The following PALS1 variants were observed in gnomAD, a reference collection of about 807,000 sequenced individuals.
PALS1 encodes the protein protein associated with LIN7 1, MAGUK p55 family member.
Under a neutral mutation model 78.9 loss-of-function variants are expected in PALS1, and 31 were observed. The ratio of observed to expected loss-of-function variants is 0.39; its 90% CI spans 0.30 to 0.53. The LOEUF (loss-of-function observed/expected upper bound fraction) is 0.53. Ranked by LOEUF, PALS1 falls within the 20% of genes least tolerant of loss-of-function variation. PALS1 has a pLI of 0.67. For missense variants in PALS1, 704 were observed against 826.5 expected, an observed-to-expected ratio of 0.85 and a Z score of 1.82; for synonymous variants, 276 against 270.9, an observed-to-expected ratio of 1.02 and a Z score of -0.18.
intron 1 of PALS1, among the ~76,000 whole-genome samples, chr14:67,255,746 T>TC (rs1409577934): frequency 6.6e-6 from 1 of 152,244 alleles, no homozygotes; most frequent in Non-Finnish European, 1.5e-5. Flanking sequence ...AGTAGTGCAA[T>TC]CTGGGCTCAC....
chr14:67,280,833 TTCC>T (rs2084592694), intron 3 of PALS1, among the ~76,000 whole-genome samples: 1 of 133,698 alleles, frequency 7.5e-6, no homozygotes, highest in Admixed American at 7.8e-5. Context: ...CCTTCCTTCC[TTCC>T]TTCCTTCCTT....
At chr14:67,256,547 T>G (rs955293131) in intron 1 of PALS1, among the ~76,000 whole-genome samples, 1 of 152,208 alleles carries the variant, frequency 6.6e-6, no homozygotes, top group Non-Finnish European at 1.5e-5. Flanking sequence ...TCCTTTTTTC[T>G]TTTTTCTTTT....
At position 67,248,803 on chromosome 14, in the gene PALS1, T is replaced by C. The variant is rs1338824710; in HGVS notation, c.-237+7270T>C. On this transcript the variant is annotated intron_variant, in intron 1 of 14. Coordinates refer to ENST00000261681, the MANE Select transcript of PALS1 (RefSeq NM_022474.4). ...GTGTGCCTGATTTGACCTCTGGACT[T>C]AGTTTACATACCAACATTTTTATTT... Among the ~76,000 whole-genome samples the C allele has an allele frequency of 5.3e-5, 8 of 152,272 alleles. 1 individual carries two copies. The South Asian group carries it at 6.2e-4, about 12-fold the overall frequency.
intron 4 of PALS1, among the ~76,000 whole-genome samples, chr14:67,298,248 A>G (rs1017922519): frequency 1.3e-5 from 2 of 152,212 alleles, no homozygotes; most frequent in Non-Finnish European, 2.9e-5. Flanking sequence ...TTAGTAATTT[A>G]TTAGTATCAA....
chr14:67,280,841 T>TTCCTTCCTTCCTTCCC (rs1297220297), intron 3 of PALS1, among the ~76,000 whole-genome samples: 1 of 129,940 alleles, frequency 7.7e-6, no homozygotes, highest in Non-Finnish European at 1.6e-5. Context: ...CCTTCCTTCC[T>TTCCTTCCTTCCTTCCC]TCCTTCCTTC....
chr14:67,280,376 T>C (rs1198971478), intron 3 of PALS1, among the ~76,000 whole-genome samples: 4 of 152,246 alleles, frequency 2.6e-5, no homozygotes, highest in African/African-American at 9.6e-5. Flanking sequence ...AAAAAAGATA[T>C]ATTTCTACTT....
intron 1 of PALS1, among the ~76,000 whole-genome samples, chr14:67,250,200 T>C (rs1193759454): frequency 6.6e-6 from 1 of 152,208 alleles, no homozygotes; most frequent in African/African-American, 2.4e-5. Context: ...CCACTCTTCC[T>C]TCCTCCAGGA....
chr14:67,260,414 A>G (rs1270316035), intron 1 of PALS1, among the ~76,000 whole-genome samples: 1 of 152,252 alleles, frequency 6.6e-6, no homozygotes, highest in Non-Finnish European at 1.5e-5. Context: ...ATTTGTATAT[A>G]GCACAATATA....
intron 4 of PALS1, among the ~76,000 whole-genome samples, chr14:67,295,838 C>T (rs1438642877): frequency 6.6e-6 from 1 of 152,058 alleles, no homozygotes; most frequent in African/African-American, 2.4e-5. Flanking sequence ...TATACTGTGA[C>T]CCAGCAATTT....
intron 1 of PALS1, among the ~76,000 whole-genome samples, chr14:67,245,384 AT>A (rs1555515862): frequency 6.6e-6 from 1 of 152,078 alleles, no homozygotes; most frequent in Non-Finnish European, 1.5e-5. Context: ...CATTTCCCCC[AT>A]GACTGAGGAT....
chr14:67,266,337 A>AT (rs11319956), intron 1 of PALS1, among the ~76,000 whole-genome samples: 5 of 151,046 alleles, frequency 3.3e-5, no homozygotes, highest in African/African-American at 2.4e-5. Context: ...AAATATTTCA[A>AT]TTTTTTTTTG....
chr14:67,270,642 C>A (rs1169363818), intron 2 of PALS1: 1 of 148,520 alleles, frequency 6.7e-6, no homozygotes, highest in Non-Finnish European at 1.5e-5. Flanking sequence ...ACTGGGAGGA[C>A]TTTTTCACTT....
intron 1 of PALS1, among the ~76,000 whole-genome samples, chr14:67,255,832 C>T (rs2084136896): frequency 6.6e-6 from 1 of 152,174 alleles, no homozygotes; most frequent in African/African-American, 2.4e-5. Flanking sequence ...GGATTGCAGG[C>T]ACCTGCCACT....
chr14:67,276,591 C>G (rs1235006916), intron 2 of PALS1, among the ~76,000 whole-genome samples: 4 of 152,166 alleles, frequency 2.6e-5, no homozygotes, highest in African/African-American at 7.2e-5. Flanking sequence ...AAAAGTAAGA[C>G]ATGACCCCTG....
chr14:67,305,168 A>G (rs1021322419), intron 8 of PALS1, among the ~76,000 whole-genome samples: 1 of 152,224 alleles, frequency 6.6e-6, no homozygotes, highest in African/African-American at 2.4e-5. Context: ...AGCTCTGCAA[A>G]CTGAGGAAAC....
intron 1 of PALS1, among the ~76,000 whole-genome samples, chr14:67,261,697 A>G (rs561524050): frequency 1.5e-3 from 227 of 152,030 alleles, no homozygotes; most frequent in Non-Finnish European, 2.7e-3. Context: ...CACTTTACAT[A>G]TGTAGTAGGA....
rs2141080987 is a variant in PALS1 at position 67,335,347 on chromosome 14, T to C, written c.*2391T>C. 1 of 152,348 alleles carries C rather than the reference T, an allele frequency of 6.6e-6. No homozygotes were observed. The highest frequency in any genetic ancestry group is 1.9e-4 in the East Asian group (1 of 5,190). The allele number at this position is 152,348 out of a possible 1,614,324, so 9.4% of individuals were successfully genotyped here. On this transcript the variant is annotated 3_prime_UTR_variant, in exon 15 of 15. Transcript: ENST00000261681. Reference sequence around the variant, plus strand: ...TGTACAGCCACTCTGGCCAATTCCATTTCCTGTCCCTCTGTGGTTCTGACT... The same window carrying C: ...TGTACAGCCACTCTGGCCAATTCCACTTCCTGTCCCTCTGTGGTTCTGACT...
At chr14:67,329,644 T>TA (rs1182896785) in intron 14 of PALS1, among the ~76,000 whole-genome samples, 2 of 152,046 alleles carry the variant, frequency 1.3e-5, no homozygotes, top group African/African-American at 4.8e-5. Flanking sequence ...TATTTTGAGA[T>TA]ACGGCGGACG....
intron 2 of PALS1, among the ~76,000 whole-genome samples, chr14:67,275,971 C>G (rs111917273): frequency 0.15 from 23,517 of 152,034 alleles, 3,431 homozygotes; most frequent in East Asian, 0.42. Flanking sequence ...GTGATACCCC[C>G]TTTATCATTT....
Sources: allele counts gnomAD v4.1 joint callset (sites outside exome capture counted in the v4.1 genomes callset), GRCh38; gene constraint gnomAD v4.1.1; transcripts MANE v1.5; gene names NCBI Gene and HGNC (gene_info 2026-07-23, HGNC 2026-07-21).